The following UBE2D3 variants were observed in gnomAD, a reference collection of about 807,000 sequenced individuals.
UBE2D3 encodes ubiquitin-conjugating enzyme E2 D3.
Under a neutral mutation model 22.8 loss-of-function variants are expected in UBE2D3, and 2 were observed. The observed-to-expected ratio is 0.09, with a 90% CI of 0.04 to 0.28. UBE2D3 has a LOEUF of 0.28. Ranked by LOEUF, UBE2D3 falls within the 10% of genes least tolerant of loss-of-function variation. The probability of loss-of-function intolerance (pLI) is 1.00; values close to 1 mark genes in which losing one functional copy is unlikely to be tolerated. For synonymous variants in UBE2D3, 56 were observed against 60.4 expected (o/e 0.93, Z 0.34); for missense variants, 27 against 182.5 (o/e 0.15, Z 4.91).
chr4:102,842,030 T>TTA (rs2110357458), intron 1 of UBE2D3, among the ~76,000 whole-genome samples: 1 of 152,328 alleles, frequency 6.6e-6, no homozygotes, highest in East Asian at 1.9e-4. Flanking sequence ...GATATCTCTA[T>TTA]TAAACTGTGA....
intron 1 of UBE2D3, chr4:102,868,659 C>T: frequency 1.2e-6 from 2 of 1,613,448 alleles, no homozygotes; most frequent in South Asian, 1.1e-5. Context: ...AGCACCCAAA[C>T]TGTAGGGGAA....
At chr4:102,847,215 C>T (rs906737822) in intron 1 of UBE2D3, among the ~76,000 whole-genome samples, 13 of 152,160 alleles carry the variant, frequency 8.5e-5, no homozygotes, top group African/African-American at 2.4e-4. Context: ...CCATATCTGC[C>T]CAGTGATTAC....
intron 1 of UBE2D3, among the ~76,000 whole-genome samples, chr4:102,862,675 G>C (rs1732956384): frequency 6.6e-6 from 1 of 152,168 alleles, no homozygotes; most frequent in Admixed American, 6.5e-5. Flanking sequence ...TGGGTTCTTG[G>C]TTTGGATTGG....
At chr4:102,821,778 CAACT>C (rs755200702) in intron 2 of UBE2D3, among the ~76,000 whole-genome samples, 2 of 152,062 alleles carry the variant, frequency 1.3e-5, no homozygotes, top group Non-Finnish European at 2.9e-5. Flanking sequence ...ATATATACAC[CAACT>C]ATGTACCCAC....
At chr4:102,859,309 G>T (rs1399805455) in intron 1 of UBE2D3, among the ~76,000 whole-genome samples, 1 of 151,980 alleles carries the variant, frequency 6.6e-6, no homozygotes, top group Non-Finnish European at 1.5e-5. Flanking sequence ...TACATGACAA[G>T]TTGCTTTCCT....
chr4:102,816,051 G>GA (rs977503040), intron 2 of UBE2D3, among the ~76,000 whole-genome samples: 3 of 151,834 alleles, frequency 2.0e-5, no homozygotes, highest in South Asian at 2.1e-4. Context: ...AGTATCGTAG[G>GA]AAAAAAAAGT....
chr4:102,827,687 G>A (rs182747963), upstream of UBE2D3: 512 of 985,580 alleles, frequency 5.2e-4, 3 homozygotes, highest in Admixed American at 0.019. Context: ...CACGTCCGGG[G>A]CCGAGTGAAT....
chr4:102,821,982 C>G (rs149113340), intron 2 of UBE2D3, among the ~76,000 whole-genome samples: 1 of 152,084 alleles, frequency 6.6e-6, no homozygotes, highest in Non-Finnish European at 1.5e-5. Context: ...CTCAGTGTTA[C>G]GAACCTAGTT....
intron 2 of UBE2D3, among the ~76,000 whole-genome samples, chr4:102,822,771 TAAAAAAAC>T (rs1258902747): frequency 6.6e-6 from 1 of 151,458 alleles, no homozygotes; most frequent in Non-Finnish European, 1.5e-5. Flanking sequence ...CTGCCTCTAC[TAAAAAAAC>T]AAAAAAATTA....
intron 1 of UBE2D3, among the ~76,000 whole-genome samples, chr4:102,847,933 C>G (rs1263930296): frequency 6.6e-6 from 1 of 152,250 alleles, no homozygotes; most frequent in African/African-American, 2.4e-5. Context: ...TATTAGCCAC[C>G]ATGCCCCTTA....
At chr4:102,866,470 C>T (rs181464386) in intron 1 of UBE2D3, among the ~76,000 whole-genome samples, 35 of 152,082 alleles carry the variant, frequency 2.3e-4, no homozygotes, top group East Asian at 1.2e-3. Flanking sequence ...TTTTTAAAAA[C>T]GCCTCTATTG....
intron 1 of UBE2D3, among the ~76,000 whole-genome samples, chr4:102,855,761 G>C (rs1050907341): frequency 1.3e-5 from 2 of 152,094 alleles, no homozygotes. Flanking sequence ...CCAAGTGTCA[G>C]GTACTAAGGA....
chr4:102,811,007 A>C (rs1727898120), intron 2 of UBE2D3: 1 of 152,156 alleles, frequency 6.6e-6, no homozygotes, highest in African/African-American at 2.4e-5. Flanking sequence ...CCCCTTTCTC[A>C]TATAAACACG....
At chr4:102,832,605 A>G (rs2110346442) in intron 1 of UBE2D3, among the ~76,000 whole-genome samples, 1 of 152,128 alleles carries the variant, frequency 6.6e-6, no homozygotes, top group East Asian at 1.9e-4. Context: ...AGTTGCACTA[A>G]TAAGAGAGAG....
Position 102,802,648 on chromosome 4 carries a change from GA to G in UBE2D3, c.121-11del. 2 of 1,579,002 alleles carry G rather than the reference GA, an allele frequency of 1.3e-6. No homozygotes were observed. Among genetic ancestry groups the G allele is most frequent in the Non-Finnish European group, 1.7e-6 (2 of 1,162,522 alleles). ...GATATGGGCTGTCATTCTGTAAAAA[GA>G]AAAGTATGCTTAACTCAAATTTAAA... On this transcript the variant is annotated splice_polypyrimidine_tract_variant and intron_variant, in intron 4 of 7. Coordinates refer to ENST00000453744, the MANE Select transcript of UBE2D3 (RefSeq NM_181891.3).
At chr4:102,862,651 T>C (rs746053359) in intron 1 of UBE2D3, among the ~76,000 whole-genome samples, 2 of 152,228 alleles carry the variant, frequency 1.3e-5, no homozygotes, top group African/African-American at 2.4e-5. Flanking sequence ...AATGAGTTTA[T>C]TGTAGTTTCA....
At chr4:102,813,657 G>A (rs1728382652) in intron 2 of UBE2D3, among the ~76,000 whole-genome samples, 1 of 152,188 alleles carries the variant, frequency 6.6e-6, no homozygotes, top group Non-Finnish European at 1.5e-5. Context: ...ATTCAACTTG[G>A]TGAGAGCACT....
intron 2 of UBE2D3, chr4:102,812,897 A>G (rs1253681409): frequency 6.6e-6 from 1 of 152,230 alleles, no homozygotes; most frequent in Admixed American, 6.5e-5. Context: ...TTATAGTATT[A>G]TAGACTACAG....
intron 6 of UBE2D3, 134 bp from the exon 7 acceptor site, chr4:102,799,634 T>A: frequency 1.6e-6 from 1 of 609,080 alleles, no homozygotes; most frequent in East Asian, 2.9e-5. Context: ...TGAGACACAG[T>A]TTTACAGAGA....
Sources: allele counts gnomAD v4.1 joint callset (sites outside exome capture counted in the v4.1 genomes callset), GRCh38; gene constraint gnomAD v4.1.1; transcripts MANE v1.5; gene names NCBI Gene and HGNC (gene_info 2026-07-23, HGNC 2026-07-21).